The following CAMK1D variants were observed in gnomAD, a reference collection of about 807,000 sequenced individuals.
CAMK1D encodes calcium/calmodulin-dependent protein kinase type 1D.
A neutral mutation model predicts 47.7 loss-of-function variants in CAMK1D; 9 were observed. That is an observed-to-expected ratio of 0.19 (90% CI 0.11 to 0.33). CAMK1D has a LOEUF of 0.33. Among genes scored for constraint, CAMK1D ranks in the 10% least tolerant of loss-of-function variants. The pLI is 1.00. For missense variants in CAMK1D, 291 were observed against 488.7 expected, an observed-to-expected ratio of 0.60 and a Z score of 3.81; for synonymous variants, 184 against 184.9, an observed-to-expected ratio of 0.99 and a Z score of 0.04.
chr10:12,466,165 A>G (rs1458678567), intron 1 of CAMK1D, among the ~76,000 whole-genome samples: 1 of 151,992 alleles, frequency 6.6e-6, no homozygotes, highest in Non-Finnish European at 1.5e-5. Context: ...AAAAAATTTT[A>G]GGGAGACCAA....
chr10:12,435,009 G>A lies in CAMK1D; in HGVS notation c.92+85099G>A, dbSNP rs558262547. On this transcript the variant is annotated intron_variant, in intron 1 of 10. Coordinates refer to ENST00000619168, the MANE Select transcript of CAMK1D (RefSeq NM_153498.4). ...GAGGCGGGTGGATCACCTGAGGTCA[G>A]GAGTTCGAGACCATCCTGGCCAACA... 1.2e-3 allele frequency among the ~76,000 whole-genome samples: 178 copies of A among 152,204 alleles called. 1 individual carries two copies. Among genetic ancestry groups the A allele is most frequent in the African/African-American group, 4.0e-3 (168 of 41,522 alleles).
chr10:12,828,467 C>A lies in CAMK1D; in HGVS notation c.1040-302C>A, dbSNP rs567036189. Reference sequence around the variant, plus strand: ...ACCAGCCTGGCCAACATGGTGAAACCCCATCTCTACTAAAAATACAAAAAT... The same window carrying A: ...ACCAGCCTGGCCAACATGGTGAAACACCATCTCTACTAAAAATACAAAAAT... On this transcript the variant is annotated intron_variant, in intron 10 of 10. Transcript: ENST00000619168. 1.4e-4 allele frequency among the ~76,000 whole-genome samples: 22 copies of A among 152,140 alleles called. No homozygotes were observed. In the South Asian group the frequency reaches 1.9e-3, roughly 13 times the overall value.
At position 12,799,543 on chromosome 10, in the gene CAMK1D, G is replaced by A. The variant is rs540728729; in HGVS notation, c.641+8310G>A. Among the ~76,000 whole-genome samples the A allele has an allele frequency of 6.6e-5, 10 of 152,334 alleles. No homozygotes were observed. In the East Asian group the frequency reaches 1.5e-3, roughly 24 times the overall value. On this transcript the variant is annotated intron_variant, in intron 6 of 10. Coordinates refer to ENST00000619168, the MANE Select transcript of CAMK1D (RefSeq NM_153498.4). ...AACTTGGAAATTCTCCATGGGTTCCGCATCATCGGTTAGCGCTTGGTGCTA... is the reference window on the plus strand; with the variant it reads ...AACTTGGAAATTCTCCATGGGTTCCACATCATCGGTTAGCGCTTGGTGCTA...
intron 1 of CAMK1D, among the ~76,000 whole-genome samples, chr10:12,353,022 C>A (rs934433238): frequency 1.3e-5 from 2 of 152,152 alleles, no homozygotes; most frequent in Non-Finnish European, 2.9e-5. Context: ...CAGGCGTGAG[C>A]TACTGCGCCC....
chr10:12,496,254 T>C (rs1056751651), intron 1 of CAMK1D, among the ~76,000 whole-genome samples: 5 of 152,236 alleles, frequency 3.3e-5, no homozygotes, highest in Admixed American at 6.5e-5. Flanking sequence ...ACTTAAACTT[T>C]AATGACTATA....
chr10:12,371,547 G>T (rs1838006941), intron 1 of CAMK1D, among the ~76,000 whole-genome samples: 1 of 147,576 alleles, frequency 6.8e-6, no homozygotes, highest in Non-Finnish European at 1.5e-5. Flanking sequence ...CTGCACTCCA[G>T]CCTGGGTGAC....
chr10:12,730,902 G>A (rs892552588), intron 3 of CAMK1D, among the ~76,000 whole-genome samples: 1 of 152,186 alleles, frequency 6.6e-6, no homozygotes, highest in African/African-American at 2.4e-5. Context: ...AAGCTTGATT[G>A]GAGCTGAATG....
chr10:12,706,956 A>G (rs1310303803), intron 3 of CAMK1D, among the ~76,000 whole-genome samples: 3 of 152,294 alleles, frequency 2.0e-5, no homozygotes, highest in South Asian at 2.1e-4. Flanking sequence ...GGAGATACAT[A>G]TGAAGGTATC....
At chr10:12,418,500 G>A (rs950652490) in intron 1 of CAMK1D, among the ~76,000 whole-genome samples, 3 of 152,108 alleles carry the variant, frequency 2.0e-5, no homozygotes, top group African/African-American at 4.8e-5. Context: ...CCTAGCTACT[G>A]GGGAGGCTGA....
chr10:12,796,568 C>T (rs551866362), intron 6 of CAMK1D, among the ~76,000 whole-genome samples: 1 of 152,218 alleles, frequency 6.6e-6, no homozygotes, highest in East Asian at 1.9e-4. Flanking sequence ...TACATATGTT[C>T]TAAGGAGAAT....
At chr10:12,462,206 G>GC (rs1313337666) in intron 1 of CAMK1D, among the ~76,000 whole-genome samples, 2 of 119,460 alleles carry the variant, frequency 1.7e-5, no homozygotes, top group Non-Finnish European at 3.2e-5. Flanking sequence ...CCCCTCTGTT[G>GC]CCAGGCTGGA....
chr10:12,818,133 C>T (rs1365355233), intron 8 of CAMK1D, among the ~76,000 whole-genome samples: 1 of 152,136 alleles, frequency 6.6e-6, no homozygotes, highest in Non-Finnish European at 1.5e-5. Flanking sequence ...AAAACCATCC[C>T]CCTGTGTGCC....
At chr10:12,557,551 C>CAA (rs5783273) in intron 2 of CAMK1D, among the ~76,000 whole-genome samples, 10 of 84,456 alleles carry the variant, frequency 1.2e-4, no homozygotes, top group South Asian at 3.8e-4. Flanking sequence ...GACTCCATCT[C>CAA]AAAAAAAAAA....
chr10:12,401,053 TTATATATATATTTTATATATATAATA>T, intron 1 of CAMK1D, among the ~76,000 whole-genome samples: 1 of 102,816 alleles, frequency 9.7e-6, no homozygotes, highest in South Asian at 2.6e-4. Flanking sequence ...ATTATATATA[TTATATATATATTTTATATATATAATA>T]TATGTATTAT....
At chr10:12,354,774 A>G (rs981379077) in intron 1 of CAMK1D, among the ~76,000 whole-genome samples, 5 of 151,280 alleles carry the variant, frequency 3.3e-5, no homozygotes, top group African/African-American at 1.2e-4. Flanking sequence ...TAAGGAGGGC[A>G]CTTGCTTTTG....
chr10:12,769,292 C>A lies in CAMK1D; in HGVS notation c.439-381C>A, dbSNP rs573818053. Reference sequence around the variant, plus strand: ...ACCCTTGGATTCAAGAAAAATCACTCATAAAAAGGAGCAGAGAAGCACCTG... The same window carrying A: ...ACCCTTGGATTCAAGAAAAATCACTAATAAAAAGGAGCAGAGAAGCACCTG... On this transcript the variant is annotated intron_variant, in intron 4 of 10. Transcript: ENST00000619168. 6.7e-4 allele frequency among the ~76,000 whole-genome samples: 102 copies of A among 152,272 alleles called. 1 individual carries two copies. The highest frequency in any genetic ancestry group is 2.4e-3 in the African/African-American group (99 of 41,560).
chr10:12,388,163 C>T (rs1838590459), intron 1 of CAMK1D, among the ~76,000 whole-genome samples: 1 of 152,162 alleles, frequency 6.6e-6, no homozygotes. Context: ...GCTGGAAGTA[C>T]AGGCGTGTGT....
In CAMK1D at chr10:12,734,448, G is replaced by GTATA. The variant is rs1202954805; in HGVS notation, c.300-26499_300-26498insATAT. ...TATATATATATACACACACACATAT[G>GTATA]TGTATATATACACATACACATATGT... is the stretch of plus-strand genomic sequence containing the variant. On this transcript the variant is annotated intron_variant, in intron 3 of 10. Coordinates refer to ENST00000619168, the MANE Select transcript of CAMK1D (RefSeq NM_153498.4). Among the ~76,000 whole-genome samples, 86 of 4,480 alleles carry GTATA rather than the reference G, an allele frequency of 0.019. 8 individuals carry two copies. The South Asian group carries it at 0.32, about 17-fold the overall frequency. The allele number at this position is 4,480 out of a possible 152,430, so 2.9% of individuals were successfully genotyped here. A position where few individuals can be genotyped will look rare whatever the true frequency, so the allele number is the denominator to read the frequency against.
chr10:12,636,873 C>G (rs1839525799), intron 2 of CAMK1D, among the ~76,000 whole-genome samples: 1 of 152,202 alleles, frequency 6.6e-6, no homozygotes, highest in South Asian at 2.1e-4. Flanking sequence ...ATTGGACATG[C>G]TTCCTGTGTA....
Sources: gnomAD v4.1 joint callset for allele counts (sites outside exome capture counted in the v4.1 genomes callset) on GRCh38, gnomAD v4.1.1 for gene constraint, MANE v1.5 for transcripts, NCBI Gene and HGNC (gene_info 2026-07-23, HGNC 2026-07-21) for gene names.